Variants in MSRA observed in about 807,000 individuals in gnomAD.
MSRA encodes the protein mitochondrial peptide methionine sulfoxide reductase.
MSRA carries 54 observed loss-of-function variants against 31.3 expected under a neutral mutation model. The ratio of observed to expected loss-of-function variants is 1.73; its 90% CI spans 1.39 to 2.17. MSRA has a LOEUF of 2.17. Among genes scored for constraint, MSRA ranks in the 30% most tolerant of loss-of-function variants. The pLI is 0.00. For synonymous variants in MSRA, 169 were observed against 116.5 expected, an observed-to-expected ratio of 1.45 and a Z score of -2.90; for missense variants, 507 against 300.9, an observed-to-expected ratio of 1.69 and a Z score of -5.07.
At chr8:10,267,467 G>T (rs1798806511) in intron 3 of MSRA, among the ~76,000 whole-genome samples, 1 of 152,124 alleles carries the variant, frequency 6.6e-6, no homozygotes, top group African/African-American at 2.4e-5. Flanking sequence ...TATTCCAGGA[G>T]TAGGAGTCCT....
chr8:10,381,843 G>C (rs1806088990), intron 5 of MSRA, among the ~76,000 whole-genome samples: 1 of 152,096 alleles, frequency 6.6e-6, no homozygotes, highest in African/African-American at 2.4e-5. Flanking sequence ...CCATCTTTAG[G>C]GACTGGAAAA....
chr8:10,148,036 C>T (rs376115033), intron 1 of MSRA, among the ~76,000 whole-genome samples: 5 of 152,188 alleles, frequency 3.3e-5, no homozygotes, highest in East Asian at 1.9e-4. Flanking sequence ...GACTCCATTG[C>T]GGGCACAGCC....
intron 1 of MSRA, among the ~76,000 whole-genome samples, chr8:10,076,445 C>T (rs1453177609): frequency 7.2e-5 from 11 of 152,162 alleles, no homozygotes; most frequent in Admixed American, 7.2e-4. Context: ...TCTGGGTCCA[C>T]CTATGAAGCA....
At chr8:10,249,633 C>T (rs1797813690) in intron 3 of MSRA, among the ~76,000 whole-genome samples, 1 of 152,200 alleles carries the variant, frequency 6.6e-6, no homozygotes, top group Admixed American at 6.5e-5. Flanking sequence ...CACCCACCAC[C>T]AGCTTCTGCA....
chr8:10,363,497 C>T (rs1377528525), intron 5 of MSRA, among the ~76,000 whole-genome samples: 3 of 152,160 alleles, frequency 2.0e-5, no homozygotes, highest in Non-Finnish European at 4.4e-5. Flanking sequence ...ATCTTCCCTC[C>T]AGGCCCTACC....
intron 4 of MSRA, among the ~76,000 whole-genome samples, chr8:10,309,300 G>A (rs545281677): frequency 3.3e-5 from 5 of 152,368 alleles, no homozygotes; most frequent in Admixed American, 1.3e-4. Context: ...TCTCAGTGTC[G>A]GGGCGCACAC....
chr8:10,225,280 T>G (rs1435924445), intron 2 of MSRA, among the ~76,000 whole-genome samples: 1 of 152,218 alleles, frequency 6.6e-6, no homozygotes, highest in African/African-American at 2.4e-5. Flanking sequence ...TCTGTGACTT[T>G]CCTCAGTCCT....
At chr8:10,217,228 A>C (rs891173888) in intron 2 of MSRA, among the ~76,000 whole-genome samples, 6 of 152,240 alleles carry the variant, frequency 3.9e-5, no homozygotes, top group Admixed American at 2.0e-4. Context: ...TTAGGAGGAC[A>C]CTATATGTAC....
At chr8:10,099,484 C>T (rs544365528) in intron 1 of MSRA, among the ~76,000 whole-genome samples, 60 of 152,298 alleles carry the variant, frequency 3.9e-4, no homozygotes, top group South Asian at 4.1e-4. Flanking sequence ...CAAATACCTT[C>T]GCCTGTTATT....
intron 1 of MSRA, among the ~76,000 whole-genome samples, chr8:10,131,705 G>A (rs78811926): frequency 0.02 from 3,109 of 152,224 alleles, 41 homozygotes; most frequent in Middle Eastern, 0.048. Flanking sequence ...AGATCTTGCC[G>A]TCTCTCATTC....
chr8:10,427,900 A>C (rs1180376958), intron 5 of MSRA, among the ~76,000 whole-genome samples: 1 of 152,186 alleles, frequency 6.6e-6, no homozygotes, highest in Non-Finnish European at 1.5e-5. Context: ...GTGGGGGTAG[A>C]GTGTAAGTTA....
intron 1 of MSRA, among the ~76,000 whole-genome samples, chr8:10,200,916 G>A (rs1022843163): frequency 6.6e-6 from 1 of 152,140 alleles, no homozygotes; most frequent in Non-Finnish European, 1.5e-5. Context: ...GGCAGGATCA[G>A]GGCCCAGAAC....
At chr8:10,397,503 C>G (rs1234958210) in intron 5 of MSRA, among the ~76,000 whole-genome samples, 3 of 152,166 alleles carry the variant, frequency 2.0e-5, no homozygotes, top group Non-Finnish European at 2.9e-5. Flanking sequence ...AGCCTGTGCT[C>G]TTCTTTGGGA....
intron 2 of MSRA, among the ~76,000 whole-genome samples, chr8:10,236,620 C>G (rs554716921): frequency 6.6e-6 from 1 of 152,200 alleles, no homozygotes; most frequent in South Asian, 2.1e-4. Context: ...TCTCAGCTCG[C>G]TGCAACCTCT....
intron 4 of MSRA, among the ~76,000 whole-genome samples, chr8:10,308,080 G>A (rs927971575): frequency 6.6e-6 from 1 of 152,176 alleles, no homozygotes; most frequent in African/African-American, 2.4e-5. Flanking sequence ...CCTGACCCTT[G>A]TGCTGCTAGA....
At chr8:10,138,421 T>A (rs1802453579) in intron 1 of MSRA, among the ~76,000 whole-genome samples, 1 of 152,190 alleles carries the variant, frequency 6.6e-6, no homozygotes, top group Non-Finnish European at 1.5e-5. Context: ...GCAACTTCGA[T>A]GTTGAGCATT....
chr8:10,271,849 G>C (rs1799059504), intron 3 of MSRA, among the ~76,000 whole-genome samples: 1 of 151,774 alleles, frequency 6.6e-6, no homozygotes, highest in African/African-American at 2.4e-5. Context: ...CTCTCAAGTA[G>C]CTGGGATTAT....
At chr8:10,139,726 A>G (rs139806022) in intron 1 of MSRA, among the ~76,000 whole-genome samples, 1 of 152,356 alleles carries the variant, frequency 6.6e-6, no homozygotes, top group African/African-American at 2.4e-5. Flanking sequence ...CACTGTATGT[A>G]TGTATATGTA....
intron 5 of MSRA, among the ~76,000 whole-genome samples, chr8:10,417,199 G>A (rs971507674): frequency 1.3e-5 from 2 of 152,126 alleles, no homozygotes; most frequent in Non-Finnish European, 2.9e-5. Flanking sequence ...ACAAAGCTGG[G>A]AGGGTCAGTG....
Sources: allele counts gnomAD v4.1 joint callset (sites outside exome capture counted in the v4.1 genomes callset), GRCh38; gene constraint gnomAD v4.1.1; transcripts MANE v1.5; gene names NCBI Gene and HGNC (gene_info 2026-07-23, HGNC 2026-07-21).